Variants in CPSF2 observed in about 807,000 individuals in gnomAD.
CPSF2 encodes the protein cleavage and polyadenylation specific factor 2.
Under a neutral mutation model 84.2 loss-of-function variants are expected in CPSF2, and 51 were observed. The observed-to-expected ratio is 0.61, with a 90% CI of 0.48 to 0.77. CPSF2 has a LOEUF of 0.77. Among genes scored for constraint, CPSF2 ranks in the 30% least tolerant of loss-of-function variants. The pLI is 0.00. For missense variants in CPSF2, 641 were observed against 929.4 expected (o/e 0.69, Z 4.03); for synonymous variants, 286 against 311.9 (o/e 0.92, Z 0.87).
intron 9 of CPSF2, among the ~76,000 whole-genome samples, chr14:92,153,810 C>T (rs1489574671): frequency 6.8e-6 from 1 of 146,486 alleles, no homozygotes; most frequent in Non-Finnish European, 1.5e-5. Context: ...CTCAAGTGAT[C>T]TTCCACTTTA....
chr14:92,140,466 C>T (rs1277920431), intron 7 of CPSF2, among the ~76,000 whole-genome samples: 1 of 146,082 alleles, frequency 6.8e-6, no homozygotes, highest in Non-Finnish European at 1.5e-5. Flanking sequence ...TGTAGTCTCG[C>T]TCTGTCGCCA....
At chr14:92,154,262 G>C (rs1466530317) in intron 9 of CPSF2, 96 bp from the exon 10 acceptor site, 1 of 759,828 alleles carries the variant, frequency 1.3e-6, no homozygotes, top group African/African-American at 1.8e-5. Flanking sequence ...AAAGATGATA[G>C]AGCAATTTAG....
Position 92,157,823 on chromosome 14 carries a change from A to G in CPSF2, c.1760A>G (p.Lys587Arg). Residue 587 changes from lysine to arginine, a missense_variant, in exon 13 of 16, where the codon AAA becomes AGA. Around this residue, in one of 2 missense-constraint regions of CPSF2, gnomAD observed 430 missense variants for 553.6 expected, o/e 0.78. Transcript: ENST00000298875. This position sits in a 1 kb window ranked among gnomAD's most constrained non-coding sequence, Gnocchi z 4.0. ...CGCGCCTTTGGTGGGAAAGATATTA[A>G]AGTGTACATGCCAAAGCTACATGAA... is the stretch of plus-strand genomic sequence containing the variant. ...CCRAFGGKDIKVYMPKLHETV... is the reference protein window; with the variant it reads ...CCRAFGGKDIRVYMPKLHETV... The G allele has an allele frequency of 1.2e-6, 2 of 1,614,196 alleles. No homozygotes were observed. The highest frequency in any genetic ancestry group is 1.7e-6 in the Non-Finnish European group (2 of 1,180,016).
chr14:92,161,852 C>A lies in CPSF2; in HGVS notation c.*108C>A. On this transcript the variant is annotated 3_prime_UTR_variant, in exon 16 of 16. Transcript: ENST00000298875. ...TTTGTAACATACAAAAAGAATCTGCCAGAAAAACTTACATGTATCAGATTT... is the reference window on the plus strand; with the variant it reads ...TTTGTAACATACAAAAAGAATCTGCAAGAAAAACTTACATGTATCAGATTT... 1.6e-6 allele frequency: 1 copy of A among 641,128 alleles called. No individual in the cohort carries two copies. Among genetic ancestry groups the A allele is most frequent in the Non-Finnish European group, 2.6e-6 (1 of 385,320 alleles). 39.7% of individuals were successfully genotyped at this position (641,128 alleles called of 1,614,324 possible). A position where few individuals can be genotyped will look rare whatever the true frequency, so the allele number is the denominator to read the frequency against.
At position 92,165,503 on chromosome 14, in the gene CPSF2, G is replaced by T. The variant is rs971164349; in HGVS notation, c.*3759G>T. 2 of 152,078 alleles carry T rather than the reference G, an allele frequency of 1.3e-5. No homozygotes were observed. The highest frequency in any genetic ancestry group is 4.8e-5 in the African/African-American group (2 of 41,414). 9.4% of individuals were successfully genotyped at this position (152,078 alleles called of 1,614,324 possible). On this transcript the variant is annotated 3_prime_UTR_variant, in exon 16 of 16. Coordinates refer to ENST00000298875, the MANE Select transcript of CPSF2 (RefSeq NM_017437.3). ...TGAAGAAGTGTCTCACTGAGGTTTTGATTTGCATTTCCTTAATGACTGATG... is the reference window on the plus strand; with the variant it reads ...TGAAGAAGTGTCTCACTGAGGTTTTTATTTGCATTTCCTTAATGACTGATG...
At chr14:92,122,876 A>C (rs1285329520) in intron 1 of CPSF2, among the ~76,000 whole-genome samples, 1 of 146,712 alleles carries the variant, frequency 6.8e-6, no homozygotes, top group Non-Finnish European at 1.5e-5. Context: ...TTTAATAAAG[A>C]CGGGGTTTCA....
Position 92,164,915 on chromosome 14 carries a change from A to G in CPSF2, c.*3171A>G, listed in dbSNP as rs2069423707. 2 of 152,154 alleles carry G rather than the reference A, an allele frequency of 1.3e-5. No homozygotes were observed. The highest frequency in any genetic ancestry group is 1.3e-4 in the Admixed American group (2 of 15,280). 9.4% of individuals were successfully genotyped at this position (152,154 alleles called of 1,614,324 possible). ...CACTCCAAAAAGAAACACCATACCCACTACCAGTCACTCCTCATGCCCCCT... is the reference window on the plus strand; with the variant it reads ...CACTCCAAAAAGAAACACCATACCCGCTACCAGTCACTCCTCATGCCCCCT... On this transcript the variant is annotated 3_prime_UTR_variant, in exon 16 of 16. Coordinates refer to ENST00000298875, the MANE Select transcript of CPSF2 (RefSeq NM_017437.3).
At chr14:92,148,161 C>T (rs950633834) in intron 9 of CPSF2, among the ~76,000 whole-genome samples, 6 of 152,270 alleles carry the variant, frequency 3.9e-5, no homozygotes, top group African/African-American at 1.4e-4. Flanking sequence ...GAGAGATTCC[C>T]CCTTTTCCAT....
At position 92,164,782 on chromosome 14, in the gene CPSF2, A is replaced by G. The variant is rs1005717554; in HGVS notation, c.*3038A>G. The G allele has an allele frequency of 3.3e-5, 5 of 152,230 alleles. No homozygotes were observed. The highest frequency in any genetic ancestry group is 2.6e-4 in the Admixed American group (4 of 15,288). The allele number at this position is 152,230 out of a possible 1,614,324, so 9.4% of individuals were successfully genotyped here. On this transcript the variant is annotated 3_prime_UTR_variant, in exon 16 of 16. Transcript: ENST00000298875. ...GGCTTTTTTAAAAAATTGAGATTCA[A>G]CTTACATACCATAAAGTTCACTCTT...
In CPSF2 at chr14:92,157,243, G is replaced by A. The variant is rs1421422540; in HGVS notation, c.1596-416G>A. On this transcript the variant is annotated intron_variant, in intron 12 of 15. Transcript: ENST00000298875. The surrounding 1 kb of genome is among the most constrained non-coding windows in gnomAD (Gnocchi z 4.0). The stretch of plus-strand genomic sequence containing the variant: ...ACAGATAGGGCCGGGCACGGTGGCT[G>A]ATGCCTGTAATCCCAGCACTTTGGT... Among the ~76,000 whole-genome samples, 2 of 152,064 alleles carry A rather than the reference G, an allele frequency of 1.3e-5. No homozygotes were observed. Among genetic ancestry groups the A allele is most frequent in the African/African-American group, 4.8e-5 (2 of 41,408 alleles).
At chr14:92,147,226 T>C (rs2069155321) in intron 9 of CPSF2, among the ~76,000 whole-genome samples, 1 of 152,220 alleles carries the variant, frequency 6.6e-6, no homozygotes, top group African/African-American at 2.4e-5. Flanking sequence ...AAAGTGAATA[T>C]GGAATAAACT....
At position 92,143,250 on chromosome 14, in the gene CPSF2, C is replaced by T. The variant is rs541257594; in HGVS notation, c.1096C>T (p.Arg366Cys). 6.6e-5 allele frequency: 106 copies of T among 1,611,616 alleles called. No homozygotes were observed. In the South Asian group the frequency reaches 7.5e-4, roughly 11 times the overall value. ...TYRTTPGTLARFLIDNPSEKI... is the reference protein window; with the variant it reads ...TYRTTPGTLACFLIDNPSEKI... ...CAGAACTACTCCTGGGACTTTAGCA[C>T]GTTTCCTAATTGATAATCCTTCTGA... is the stretch of plus-strand genomic sequence containing the variant. Residue 366 changes from arginine (R) to cysteine (C), a missense_variant, in exon 9 of 16, where the codon CGT (arginine) becomes TGT (cysteine). Physicochemically the swap from Arg to Cys is radical, Grantham distance 180. Around this residue, in one of 2 missense-constraint regions of CPSF2, gnomAD observed 430 missense variants for 553.6 expected, o/e 0.78. Coordinates refer to ENST00000298875, the MANE Select transcript of CPSF2 (RefSeq NM_017437.3).
intron 9 of CPSF2, among the ~76,000 whole-genome samples, chr14:92,150,436 T>C (rs2069199764): frequency 6.6e-6 from 1 of 150,914 alleles, no homozygotes; most frequent in Admixed American, 6.6e-5. Flanking sequence ...TTTGTGTGTG[T>C]GTTTTTTTTT....
At chr14:92,125,484 C>T (rs1016466195) in intron 1 of CPSF2, among the ~76,000 whole-genome samples, 1 of 152,092 alleles carries the variant, frequency 6.6e-6, no homozygotes, top group African/African-American at 2.4e-5. Context: ...CGCTTTTTAT[C>T]TCCCTGCTTT....
At chr14:92,138,492 C>G in intron 7 of CPSF2, 145 bp downstream of exon 7, 1 of 439,628 alleles carries the variant, frequency 2.3e-6, no homozygotes, top group South Asian at 5.4e-5. Flanking sequence ...TGAAGTGGCG[C>G]GATCTCGGCT....
rs1295239712 is a variant in CPSF2 at position 92,168,873 on chromosome 14, C to G, written c.*7129C>G. ...AATGAATGAATCCATCTCTCTTTCT[C>G]TCTCCATATAGTCAAAGAGAACCAA... On this transcript the variant is annotated 3_prime_UTR_variant, in exon 16 of 16. Transcript: ENST00000298875. The G allele has an allele frequency of 6.6e-6, 1 of 152,174 alleles. No individual in the cohort carries two copies. Among genetic ancestry groups the G allele is most frequent in the Non-Finnish European group, 1.5e-5 (1 of 68,006 alleles). The allele number at this position is 152,174 out of a possible 1,614,324, so 9.4% of individuals were successfully genotyped here.
rs142538049 is a variant in CPSF2 at position 92,131,425 on chromosome 14, A to G, written c.149+292A>G. Among the ~76,000 whole-genome samples, 431 of 152,360 alleles carry G rather than the reference A, an allele frequency of 2.8e-3. 1 individual carries two copies. The highest frequency in any genetic ancestry group is 9.6e-3 in the African/African-American group (401 of 41,588). On this transcript the variant is annotated intron_variant, in intron 3 of 15. Transcript: ENST00000298875. ...ATACATAAGAATTTGAGAAGAGGAA[A>G]CATTTTCCATGTGAAAGTTCTGTGG...
At chr14:92,150,644 C>G (rs1270510794) in intron 9 of CPSF2, among the ~76,000 whole-genome samples, 6 of 152,004 alleles carry the variant, frequency 3.9e-5, no homozygotes, top group African/African-American at 1.4e-4. Context: ...CCCATATGGT[C>G]TCGAACTGGC....
At position 92,138,419 on chromosome 14, in the gene CPSF2, C is replaced by T. The variant is rs1042195036; in HGVS notation, c.661+72C>T. On this transcript the variant is annotated intron_variant, in intron 7 of 15. Transcript: ENST00000298875. ...TTTGTATATTTAGGGAATATAAGTACATAAAAGTACAGGTTTCTTTTTTTT... is the reference window on the plus strand; with the variant it reads ...TTTGTATATTTAGGGAATATAAGTATATAAAAGTACAGGTTTCTTTTTTTT... The T allele has an allele frequency of 1.1e-5, 8 of 697,042 alleles. No individual in the cohort carries two copies. In the Admixed American group the frequency reaches 2.4e-4, roughly 21 times the overall value. The allele number at this position is 697,042 out of a possible 1,614,324, so 43.2% of individuals were successfully genotyped here. A position where few individuals can be genotyped will look rare whatever the true frequency, so the allele number is the denominator to read the frequency against.
Sources: gnomAD v4.1 joint callset for allele counts (sites outside exome capture counted in the v4.1 genomes callset) on GRCh38, gnomAD v4.1.1 for gene constraint, gnomAD v4.1.1 regional missense constraint, Gnocchi (gnomAD v3.1) non-coding constraint, MANE v1.5 for transcripts, NCBI Gene and HGNC (gene_info 2026-07-23, HGNC 2026-07-21) for gene names.